The following TMEM94 variants were observed in gnomAD, a reference collection of about 807,000 sequenced individuals.
The protein encoded by TMEM94 is transmembrane protein 94, also known as ER Mg2+ ATPase.
TMEM94 carries 81 observed loss-of-function variants against 158.6 expected under a neutral mutation model. The observed-to-expected ratio is 0.51, with a 90% CI of 0.43 to 0.61. TMEM94 has a LOEUF of 0.61. Ranked by LOEUF, TMEM94 falls within the 20% of genes least tolerant of loss-of-function variation. The probability of loss-of-function intolerance (pLI) is 0.00; values close to 1 mark genes in which losing one functional copy is unlikely to be tolerated. For synonymous variants in TMEM94, 751 were observed against 730.7 expected (o/e 1.03, Z -0.45); for missense variants, 1,435 against 1,762.0 (o/e 0.81, Z 3.32).
rs79837584 is a variant in TMEM94 at position 75,487,389 on chromosome 17, C to T, written c.410-543C>T. On this transcript the variant is annotated intron_variant, in intron 5 of 31. Transcript: ENST00000314256. The surrounding 1 kb of genome is among the most constrained non-coding windows in gnomAD (Gnocchi z 4.6). Reference sequence around the variant, plus strand: ...TCCACTGTTCTCTGCTGGTGAGCTTCTCCCTCACTCATCTCCAGCTGACAA... The same window carrying T: ...TCCACTGTTCTCTGCTGGTGAGCTTTTCCCTCACTCATCTCCAGCTGACAA... 443 of 159,148 alleles carry T rather than the reference C, an allele frequency of 2.8e-3. 2 individuals are homozygous for T. Among genetic ancestry groups the T allele is most frequent in the Middle Eastern group, 0.016 (5 of 316 alleles). The allele number at this position is 159,148 out of a possible 1,614,324, so 9.9% of individuals were successfully genotyped here.
intron 4 of TMEM94, 121 bp from the exon 5 acceptor site, chr17:75,486,169 C>T (rs1351068354): frequency 6.7e-7 from 1 of 1,487,960 alleles, no homozygotes; most frequent in African/African-American, 1.4e-5. Flanking sequence ...GGTGTCAGGG[C>T]ACCAGAACGG....
chr17:75,478,750 A>G (rs769841780), intron 2 of TMEM94, among the ~76,000 whole-genome samples: 1 of 152,318 alleles, frequency 6.6e-6, no homozygotes, highest in East Asian at 1.9e-4. Context: ...TGAGCAGTGA[A>G]AACAGCGGAA....
chr17:75,496,441 G>C lies in TMEM94; in HGVS notation c.3213G>C (p.Glu1071Asp). The C allele has an allele frequency of 6.2e-7, 1 of 1,613,530 alleles. No homozygotes were observed. The highest frequency in any genetic ancestry group is 8.5e-7 in the Non-Finnish European group (1 of 1,179,982). ...LPCSLTFRQE[E>D]TISIIRLIEQ... ...GTTCCCTGACCTTTCGCCAGGAGGAGACCATCAGCATCATCCGGCTTATCG... is the reference window on the plus strand; with the variant it reads ...GTTCCCTGACCTTTCGCCAGGAGGACACCATCAGCATCATCCGGCTTATCG... Residue 1071 changes from glutamate (E) to aspartate (D), a missense_variant, in exon 24 of 32, where the codon GAG becomes GAC. Physicochemically the swap from Glu to Asp is conservative, Grantham distance 45. Transcript: ENST00000314256.
Position 75,498,520 on chromosome 17 carries a change from C to T in TMEM94, c.3715C>T (p.Leu1239=), listed in dbSNP as rs891087853. 6.2e-6 allele frequency: 10 copies of T among 1,606,232 alleles called. No individual in the cohort carries two copies. In the African/African-American group the frequency reaches 1.3e-4, roughly 21 times the overall value. The change falls in exon 29 of 32, where the codon CTG becomes TTG. Residue 1239 remains leucine, a synonymous_variant. Coordinates refer to ENST00000314256, the MANE Select transcript of TMEM94 (RefSeq NM_014738.6). The surrounding 1 kb of genome is among the most constrained non-coding windows in gnomAD (Gnocchi z 6.7). ...LLSAQKLTAA[L]IVLHTVFISI... ...GTCGGCTCAGAAGCTCACGGCCGCC[C>T]TGATTGTCCTGCACACTGGTGAGAG...
Position 75,498,780 on chromosome 17 carries a change from A to G in TMEM94, c.3827+58A>G, listed in dbSNP as rs1170842218. The G allele has an allele frequency of 2.0e-5, 30 of 1,531,558 alleles. No homozygotes were observed. Among genetic ancestry groups the G allele is most frequent in the Non-Finnish European group, 2.5e-5 (29 of 1,138,058 alleles). The allele number at this position is 1,531,558 out of a possible 1,614,324, so 94.9% of individuals were successfully genotyped here. ...GGCTGGGGAGGAGAGGGCCTTCTGC[A>G]GGGCTAGGATCGGAGGGCGGGACCG... On this transcript the variant is annotated intron_variant, in intron 30 of 31. Coordinates refer to ENST00000314256, the MANE Select transcript of TMEM94 (RefSeq NM_014738.6). This position sits in a 1 kb window ranked among gnomAD's most constrained non-coding sequence, Gnocchi z 6.7.
chr17:75,497,344 CTTTTTT>C (rs67776731), intron 26 of TMEM94, 146 bp downstream of exon 26: 765 of 129,888 alleles, frequency 5.9e-3, no homozygotes, highest in Middle Eastern at 0.024. Flanking sequence ...CCCCCTTTGT[CTTTTTT>C]TTTTTTTTTT....
chr17:75,468,169 C>A (rs1474032143), intron 1 of TMEM94, among the ~76,000 whole-genome samples: 1 of 152,116 alleles, frequency 6.6e-6, no homozygotes, highest in Non-Finnish European at 1.5e-5. Flanking sequence ...TCACAATGGG[C>A]TAGGAGCAGA....
rs2052931755 is a variant in TMEM94, at chr17:75,498,274, A to G, written c.3589A>G (p.Ser1197Gly). 1 of 1,613,388 alleles carries G rather than the reference A, an allele frequency of 6.2e-7. No homozygotes were observed. The highest frequency in any genetic ancestry group is 8.5e-7 in the Non-Finnish European group (1 of 1,180,004). Residue 1197 changes from serine (S) to glycine (G), a missense_variant, in exon 28 of 32, where the codon AGC becomes GGC. Physicochemically the swap from Ser to Gly is moderately conservative, Grantham distance 56. This residue lies in a region of TMEM94 where 335 missense variants were observed against 409.1 expected (regional missense o/e 0.82). Transcript: ENST00000314256. This position sits in a 1 kb window ranked among gnomAD's most constrained non-coding sequence, Gnocchi z 6.7. ...FGFTLQSFCD[S>G]SRDRNLTNCS... Reference sequence around the variant, plus strand: ...CTTCACACTGCAGAGCTTCTGTGACAGCTCCCGGGACCGCAACCTCACCAA... The same window carrying G: ...CTTCACACTGCAGAGCTTCTGTGACGGCTCCCGGGACCGCAACCTCACCAA...
In TMEM94 at chr17:75,493,810, C is replaced by T. The variant is rs754083814; in HGVS notation, c.2301C>T (p.Ile767=). The change falls in exon 18 of 32, where the codon ATC becomes ATT. Residue 767 remains isoleucine, a synonymous_variant. Coordinates refer to ENST00000314256, the MANE Select transcript of TMEM94 (RefSeq NM_014738.6). ...ALSSQLNGKC[I]ELVQVPGQSS... is the part of the protein sequence containing the mutation. ...CCTCTCAGCTCAATGGCAAGTGCAT[C>T]GAGCTGGTACAGGTGCCCGGCCAAA... is the stretch of plus-strand genomic sequence containing the variant. 4 of 1,613,778 alleles carry T rather than the reference C, an allele frequency of 2.5e-6. No homozygotes were observed. Among genetic ancestry groups the T allele is most frequent in the Non-Finnish European group, 2.5e-6 (3 of 1,180,026 alleles).
At chr17:75,494,839 A>C (rs1156387991) in intron 19 of TMEM94, 31 bp downstream of exon 19, 4 of 1,612,710 alleles carry the variant, frequency 2.5e-6, no homozygotes, top group Non-Finnish European at 3.4e-6. Flanking sequence ...TGCCACCACT[A>C]ACTCTGTTTC....
rs768638970 is a variant in TMEM94 at position 75,499,658 on chromosome 17, C to G, written c.*324C>G. 4 of 305,022 alleles carry G rather than the reference C, an allele frequency of 1.3e-5. No individual in the cohort carries two copies. Among genetic ancestry groups the G allele is most frequent in the Non-Finnish European group, 2.5e-5 (4 of 162,734 alleles). 18.9% of individuals were successfully genotyped at this position (305,022 alleles called of 1,614,324 possible). A position where few individuals can be genotyped will look rare whatever the true frequency, so the allele number is the denominator to read the frequency against. On this transcript the variant is annotated 3_prime_UTR_variant, in exon 32 of 32. Transcript: ENST00000314256. ...GCTACCCCCTTTAGGGATCCCTTGC[C>G]CCCTTGGAGATCCCTTGCCCCCCAG...
At chr17:75,493,417 G>A (rs1252642836) in intron 16 of TMEM94, 74 bp from the exon 17 acceptor site, 1 of 1,454,366 alleles carries the variant, frequency 6.9e-7, no homozygotes, top group African/African-American at 1.4e-5. Flanking sequence ...TCTCCAGGAG[G>A]ACAGTGCGTT....
chr17:75,471,857 T>C lies in TMEM94; in HGVS notation c.-49T>C. The C allele has an allele frequency of 1.9e-6, 3 of 1,610,952 alleles. No individual in the cohort carries two copies. Among genetic ancestry groups the C allele is most frequent in the Non-Finnish European group, 2.5e-6 (3 of 1,177,486 alleles). On this transcript the variant is annotated 5_prime_UTR_variant, in exon 2 of 32. Transcript: ENST00000314256. ...GTACATGCTGGGGAGGAGCCTTCCT[T>C]TCAGGGGTGACCACATTCATCTGGG...
chr17:75,466,486 A>G (rs1267588334), intron 1 of TMEM94, among the ~76,000 whole-genome samples: 1 of 152,064 alleles, frequency 6.6e-6, no homozygotes, highest in Non-Finnish European at 1.5e-5. Flanking sequence ...CAGCTTGCCA[A>G]TTTCTATGGA....
intron 2 of TMEM94, 32 bp downstream of exon 2, chr17:75,471,961 GT>G (rs770346453): frequency 1.9e-6 from 3 of 1,608,832 alleles, no homozygotes; most frequent in Non-Finnish European, 1.7e-6. Context: ...TATAGGTATT[GT>G]CTGTGTGTCT....
chr17:75,491,022 C>A lies in TMEM94; in HGVS notation c.1129-27C>A, dbSNP rs761799204. 2.6e-6 allele frequency: 4 copies of A among 1,554,812 alleles called. No individual in the cohort carries two copies. The highest frequency in any genetic ancestry group is 3.5e-6 in the Non-Finnish European group (4 of 1,136,248). On this transcript the variant is annotated intron_variant, in intron 11 of 31. Transcript: ENST00000314256. The surrounding 1 kb of genome is among the most constrained non-coding windows in gnomAD (Gnocchi z 5.1). ...GGAAATGAGGCTGAGCCCTAAATGG[C>A]CTTGCAGACTTCCTCTCTCCCACCA...
At position 75,491,777 on chromosome 17, in the gene TMEM94, C is replaced by T; in HGVS notation, c.1473C>T (p.Gly491=). ...SNEQERGDWP[G]EAPKPPEPYS... is the part of the protein sequence containing the mutation. ...AGCAGGAGCGTGGCGACTGGCCTGG[C>T]GAGGCTCCCAAGCCCCCCGAGCCCT... The change falls in exon 14 of 32, where the codon GGC becomes GGT. Residue 491 remains glycine (G), a synonymous_variant. Transcript: ENST00000314256. This position sits in a 1 kb window ranked among gnomAD's most constrained non-coding sequence, Gnocchi z 5.1. 6.2e-7 allele frequency: 1 copy of T among 1,614,032 alleles called. No homozygotes were observed. The highest frequency in any genetic ancestry group is 8.5e-7 in the Non-Finnish European group (1 of 1,180,030).
At chr17:75,479,595 G>C (rs1405853454) in intron 2 of TMEM94, among the ~76,000 whole-genome samples, 1 of 151,628 alleles carries the variant, frequency 6.6e-6, no homozygotes, top group Middle Eastern at 3.2e-3. Flanking sequence ...TGGGATTACA[G>C]GCATGAGCCA....
Position 75,485,820 on chromosome 17 carries a change from AT to A in TMEM94, c.145-49del, listed in dbSNP as rs749795588. On this transcript the variant is annotated intron_variant, in intron 3 of 31. Coordinates refer to ENST00000314256, the MANE Select transcript of TMEM94 (RefSeq NM_014738.6). The surrounding 1 kb of genome is among the most constrained non-coding windows in gnomAD (Gnocchi z 5.5). Reference sequence around the variant, plus strand: ...GAAGGGTGCCGGGGGAGGCAGCCAGATTGGAGTGGGACAGGCCTCTCATTGT... The same window carrying A: ...GAAGGGTGCCGGGGGAGGCAGCCAGATGGAGTGGGACAGGCCTCTCATTGT... The A allele has an allele frequency of 3.2e-6, 5 of 1,554,490 alleles. No individual in the cohort carries two copies. Among genetic ancestry groups the A allele is most frequent in the African/African-American group, 1.4e-5 (1 of 73,666 alleles).
Sources: allele counts gnomAD v4.1 joint callset (sites outside exome capture counted in the v4.1 genomes callset), GRCh38; gene constraint gnomAD v4.1.1; regional missense constraint gnomAD v4.1.1; non-coding constraint Gnocchi (gnomAD v3.1); transcripts MANE v1.5; gene names NCBI Gene and HGNC (gene_info 2026-07-23, HGNC 2026-07-21).